RALB: variants seen among roughly 807,000 people sequenced by gnomAD.
The protein encoded by RALB is ras-related protein Ral-B.
A neutral mutation model predicts 21.3 loss-of-function variants in RALB; 16 were observed. The ratio of observed to expected loss-of-function variants is 0.75; its 90% CI spans 0.51 to 1.14. The LOEUF (loss-of-function observed/expected upper bound fraction) is 1.14, where lower values mean the gene tolerates loss of function less well. Among genes scored for constraint, RALB ranks in the 50% most tolerant of loss-of-function variants. The pLI is 0.00. For missense variants in RALB, 161 were observed against 256.2 expected (o/e 0.63, Z 2.54); for synonymous variants, 93 against 96.1 (o/e 0.97, Z 0.19).
chr2:120,292,844 T>C (rs1372461321), intron 4 of RALB, among the ~76,000 whole-genome samples: 1 of 152,228 alleles, frequency 6.6e-6, no homozygotes, highest in Non-Finnish European at 1.5e-5. Context: ...GATTCTGTCC[T>C]TGGCTTGAGC....
intron 1 of RALB, chr2:120,253,792 G>A: frequency 3.5e-6 from 3 of 852,068 alleles, no homozygotes; most frequent in Non-Finnish European, 4.2e-6. Context: ...CCGTGGAAGA[G>A]ACTTGGCTGA....
At chr2:120,247,023 A>G (rs529396820) in intron 1 of RALB, among the ~76,000 whole-genome samples, 1 of 152,278 alleles carries the variant, frequency 6.6e-6, no homozygotes, top group African/African-American at 2.4e-5. Context: ...ATCTCATTTT[A>G]TCTCGCAATG....
intron 1 of RALB, among the ~76,000 whole-genome samples, chr2:120,277,707 G>T (rs1053814458): frequency 6.6e-6 from 1 of 152,106 alleles, no homozygotes; most frequent in Non-Finnish European, 1.5e-5. Context: ...ATGTGGGTGT[G>T]TGTGATAGTG....
chr2:120,282,671 G>A (rs1690021303), intron 2 of RALB, among the ~76,000 whole-genome samples: 1 of 152,044 alleles, frequency 6.6e-6, no homozygotes, highest in Admixed American at 6.6e-5. Flanking sequence ...GCTGTGCCTG[G>A]CCTTAGTCTG....
At chr2:120,256,315 G>A (rs1689198044) in intron 1 of RALB, among the ~76,000 whole-genome samples, 1 of 151,932 alleles carries the variant, frequency 6.6e-6, no homozygotes, top group Non-Finnish European at 1.5e-5. Context: ...ACGGGGGTGG[G>A]GAGAGAGGGA....
At chr2:120,285,451 T>C (rs899952222) in intron 2 of RALB, among the ~76,000 whole-genome samples, 1 of 152,224 alleles carries the variant, frequency 6.6e-6, no homozygotes, top group African/African-American at 2.4e-5. Context: ...ACTCCAGTTT[T>C]TTGATATACC....
chr2:120,270,552 A>C (rs1424465158), intron 1 of RALB, among the ~76,000 whole-genome samples: 1 of 152,226 alleles, frequency 6.6e-6, no homozygotes, highest in Non-Finnish European at 1.5e-5. Flanking sequence ...GGTCGTTTCA[A>C]AGTTACTTTC....
At chr2:120,278,375 G>T (rs1689899687) in intron 1 of RALB, among the ~76,000 whole-genome samples, 5 of 152,160 alleles carry the variant, frequency 3.3e-5, no homozygotes, top group Non-Finnish European at 2.9e-5. Context: ...CCTGCCCAGT[G>T]AGGCGGGCGT....
At chr2:120,284,872 A>G (rs893362311) in intron 2 of RALB, among the ~76,000 whole-genome samples, 1 of 152,192 alleles carries the variant, frequency 6.6e-6, no homozygotes, top group Non-Finnish European at 1.5e-5. Flanking sequence ...TATAGATGGA[A>G]TCATACAATA....
intron 1 of RALB, among the ~76,000 whole-genome samples, chr2:120,260,288 G>T (rs1270483066): frequency 6.6e-6 from 1 of 152,254 alleles, no homozygotes; most frequent in Non-Finnish European, 1.5e-5. Context: ...CGAGGGCTCT[G>T]AGGATTTCCA....
chr2:120,264,600 T>C lies in RALB; in HGVS notation c.-48+11620T>C, dbSNP rs550106953. Among the ~76,000 whole-genome samples the C allele has an allele frequency of 4.6e-5, 7 of 152,348 alleles. No individual in the cohort carries two copies. In the East Asian group the frequency reaches 5.8e-4, roughly 13 times the overall value. Reference sequence around the variant, plus strand: ...CTACTTTTTAAAAATTCTGGTAAAATGTACATAAGATAAAATTCAACATTT... The same window carrying C: ...CTACTTTTTAAAAATTCTGGTAAAACGTACATAAGATAAAATTCAACATTT... On this transcript the variant is annotated intron_variant, in intron 1 of 4. Transcript: ENST00000272519.
intron 1 of RALB, among the ~76,000 whole-genome samples, chr2:120,242,219 A>G (rs1182368991): frequency 6.6e-6 from 1 of 152,176 alleles, no homozygotes; most frequent in African/African-American, 2.4e-5. Flanking sequence ...ATTCACAGAG[A>G]CAGAAAGTAG....
chr2:120,267,410 C>T (rs1194478953), intron 1 of RALB, among the ~76,000 whole-genome samples: 9 of 150,258 alleles, frequency 6.0e-5, no homozygotes, highest in Non-Finnish European at 1.2e-4. Context: ...AAAGTTGAGT[C>T]ATAACGCGTA....
chr2:120,265,343 C>T (rs867790709), intron 1 of RALB, among the ~76,000 whole-genome samples: 1 of 152,166 alleles, frequency 6.6e-6, no homozygotes, highest in East Asian at 1.9e-4. Flanking sequence ...CATATCGAAA[C>T]GTAGGAAAGG....
At chr2:120,277,251 G>A (rs1573345806) in intron 1 of RALB, among the ~76,000 whole-genome samples, 3 of 152,218 alleles carry the variant, frequency 2.0e-5, no homozygotes, top group Admixed American at 6.5e-5. Flanking sequence ...GTGAGAAAGT[G>A]TATGAGAGCA....
chr2:120,285,822 AT>A, intron 2 of RALB, 51 bp from the exon 3 acceptor site: 1 of 1,542,850 alleles, frequency 6.5e-7, no homozygotes, highest in Non-Finnish European at 8.9e-7. Context: ...TTTTTGGCAG[AT>A]TTTGTTCCCC....
intron 2 of RALB, 61 bp downstream of exon 2, chr2:120,278,839 C>A: frequency 1.4e-6 from 2 of 1,389,978 alleles, no homozygotes; most frequent in South Asian, 1.7e-5. Context: ...TGTCCCTGCT[C>A]CCGCTGTTTC....
At chr2:120,279,911 G>A (rs1333485815) in intron 2 of RALB, among the ~76,000 whole-genome samples, 1 of 152,204 alleles carries the variant, frequency 6.6e-6, no homozygotes. Context: ...TCTAGCTGAG[G>A]GAGTTTGTGT....
At chr2:120,277,876 C>CAT (rs574449389) in intron 1 of RALB, among the ~76,000 whole-genome samples, 8 of 74,028 alleles carry the variant, frequency 1.1e-4, no homozygotes, top group African/African-American at 4.1e-4. Context: ...AATGTGAGAA[C>CAT]ATGAGTGTGA....
Sources: allele counts gnomAD v4.1 joint callset (sites outside exome capture counted in the v4.1 genomes callset), GRCh38; gene constraint gnomAD v4.1.1; transcripts MANE v1.5; gene names NCBI Gene and HGNC (gene_info 2026-07-23, HGNC 2026-07-21).